Variants in CTNND2 observed in about 807,000 individuals in gnomAD.
CTNND2 encodes the protein catenin delta-2.
CTNND2 carries 22 observed loss-of-function variants against 144.4 expected under a neutral mutation model. The ratio of observed to expected loss-of-function variants is 0.15; its 90% confidence interval spans 0.11 to 0.22. The LOEUF (loss-of-function observed/expected upper bound fraction) is 0.22. CTNND2 is among the 10% of genes least tolerant of loss of function. The probability of loss-of-function intolerance (pLI) is 1.00; values close to 1 mark genes in which losing one functional copy is unlikely to be tolerated. For synonymous variants in CTNND2, 751 were observed against 695.6 expected (o/e 1.08, Z -1.25); for missense variants, 1,353 against 1,618.8 (o/e 0.84, Z 2.82).
chr5:11,744,660 TGAAGA>T (rs1788201627), intron 1 of CTNND2, among the ~76,000 whole-genome samples: 1 of 146,210 alleles, frequency 6.8e-6, no homozygotes, highest in Admixed American at 7.0e-5. Flanking sequence ...GGTAGATCCT[TGAAGA>T]GGAGTGTGTG....
intron 9 of CTNND2, among the ~76,000 whole-genome samples, chr5:11,331,352 C>A (rs1753124685): frequency 6.6e-6 from 1 of 152,112 alleles, no homozygotes; most frequent in African/African-American, 2.4e-5. Context: ...GGGAAATTAA[C>A]CCCTGTAGAA....
chr5:11,522,575 T>A (rs1339417944), intron 3 of CTNND2, among the ~76,000 whole-genome samples: 1 of 152,226 alleles, frequency 6.6e-6, no homozygotes, highest in Non-Finnish European at 1.5e-5. Context: ...CTCACAATGA[T>A]GATTTGCTAT....
chr5:11,748,825 C>T (rs538822633), intron 1 of CTNND2, among the ~76,000 whole-genome samples: 11 of 152,136 alleles, frequency 7.2e-5, no homozygotes, highest in Non-Finnish European at 1.3e-4. Context: ...CCTCTCTTCA[C>T]GAAGTAGAGC....
chr5:11,623,394 A>C (rs986316098), intron 2 of CTNND2, among the ~76,000 whole-genome samples: 6 of 151,888 alleles, frequency 4.0e-5, no homozygotes, highest in Non-Finnish European at 8.8e-5. Flanking sequence ...TTATTTTATA[A>C]AGGGTTTCCC....
rs757143940 is a variant in CTNND2, at chr5:10,988,181, C to T, written c.3273G>A (p.Glu1091=). The stretch of plus-strand genomic sequence containing the variant: ...GGTAGGTGGCGTTGCTGCCGGTGCA[C>T]TCGTAGTCTGTTTTCCTTTCTTTGA... ...ISLKERKTDY[E]CTGSNATYHG... is the part of the protein sequence containing the mutation. The change falls in exon 20 of 22, where the codon GAG becomes GAA. Residue 1091 remains glutamate, a synonymous_variant. Coordinates refer to ENST00000304623, the MANE Select transcript of CTNND2 (RefSeq NM_001332.4). This position sits in a 1 kb window ranked among gnomAD's most constrained non-coding sequence, Gnocchi z 5.9. 3.7e-6 allele frequency: 6 copies of T among 1,614,210 alleles called. No homozygotes were observed. The highest frequency in any genetic ancestry group is 5.1e-6 in the Non-Finnish European group (6 of 1,180,044).
chr5:11,495,627 A>T, intron 3 of CTNND2, among the ~76,000 whole-genome samples: 1 of 152,098 alleles, frequency 6.6e-6, no homozygotes, highest in East Asian at 1.9e-4. Context: ...CTCTTGGCTT[A>T]TTCTGGGCAT....
chr5:11,132,892 T>C (rs1755759900), intron 12 of CTNND2, among the ~76,000 whole-genome samples: 1 of 152,216 alleles, frequency 6.6e-6, no homozygotes, highest in South Asian at 2.1e-4. Context: ...TGCTATCTCA[T>C]AAACTGAGAA....
intron 16 of CTNND2, among the ~76,000 whole-genome samples, chr5:11,063,901 T>A (rs1046089744): frequency 1.2e-4 from 19 of 152,210 alleles, no homozygotes; most frequent in African/African-American, 4.6e-4. Context: ...CTGTTAATGA[T>A]TTGCAATCAT....
chr5:11,604,339 T>C (rs1399690902), intron 2 of CTNND2, among the ~76,000 whole-genome samples: 1 of 152,218 alleles, frequency 6.6e-6, no homozygotes, highest in African/African-American at 2.4e-5. Context: ...ACAGTGTCCA[T>C]GATCTAGACA....
At chr5:11,353,455 T>A (rs180886693) in intron 8 of CTNND2, among the ~76,000 whole-genome samples, 19 of 152,342 alleles carry the variant, frequency 1.2e-4, no homozygotes, top group Non-Finnish European at 2.4e-4. Context: ...TAAAATTTAA[T>A]GTGATATAGA....
chr5:11,251,256 C>T (rs1239157394), intron 9 of CTNND2, among the ~76,000 whole-genome samples: 1 of 152,170 alleles, frequency 6.6e-6, no homozygotes, highest in Admixed American at 6.5e-5. Flanking sequence ...AAAATAAATG[C>T]CTGACAGTTC....
At position 10,988,350 on chromosome 5, in the gene CTNND2, A is replaced by G. The variant is rs1738274589; in HGVS notation, c.3212-108T>C. 2.2e-6 allele frequency: 3 copies of G among 1,351,968 alleles called. No individual in the cohort carries two copies. The highest frequency in any genetic ancestry group is 3.1e-6 in the Non-Finnish European group (3 of 973,896). The allele number at this position is 1,351,968 out of a possible 1,614,324, so 83.7% of individuals were successfully genotyped here. Reference sequence around the variant, plus strand: ...TGCATGGTCCCGCATCTCAATGCCTACGTGAGGACCTGATGGGTTTTCTTT... The same window carrying G: ...TGCATGGTCCCGCATCTCAATGCCTGCGTGAGGACCTGATGGGTTTTCTTT... On this transcript the variant is annotated intron_variant, in intron 19 of 21. Transcript: ENST00000304623. The surrounding 1 kb of genome is among the most constrained non-coding windows in gnomAD (Gnocchi z 5.9).
chr5:11,524,212 C>T (rs144911869), intron 3 of CTNND2, among the ~76,000 whole-genome samples: 447 of 152,304 alleles, frequency 2.9e-3, no homozygotes, highest in Admixed American at 6.1e-3. Context: ...GTCCCCTCCA[C>T]AGGACTCTTC....
chr5:11,479,472 A>G (rs1768048305), intron 3 of CTNND2, among the ~76,000 whole-genome samples: 1 of 152,196 alleles, frequency 6.6e-6, no homozygotes, highest in African/African-American at 2.4e-5. Context: ...ACATGCATGT[A>G]TCTTTATGAT....
intron 1 of CTNND2, among the ~76,000 whole-genome samples, chr5:11,735,853 G>A (rs1047438380): frequency 6.6e-6 from 1 of 152,098 alleles, no homozygotes. Context: ...CTCAGTCTTA[G>A]GTATGTCTTT....
At chr5:11,123,173 T>C (rs1754317490) in intron 12 of CTNND2, among the ~76,000 whole-genome samples, 1 of 152,128 alleles carries the variant, frequency 6.6e-6, no homozygotes, top group South Asian at 2.1e-4. Flanking sequence ...AAGCTTCTCT[T>C]AGAGCACCTG....
At chr5:11,134,133 G>A (rs1455612538) in intron 12 of CTNND2, among the ~76,000 whole-genome samples, 1 of 152,174 alleles carries the variant, frequency 6.6e-6, no homozygotes, top group Non-Finnish European at 1.5e-5. Flanking sequence ...GCTGAGGAGG[G>A]AGCAGGAGAA....
intron 3 of CTNND2, among the ~76,000 whole-genome samples, chr5:11,416,987 C>G (rs1469168091): frequency 6.6e-6 from 1 of 152,038 alleles, no homozygotes; most frequent in Non-Finnish European, 1.5e-5. Context: ...AACACTTAGC[C>G]TTTAAATACA....
chr5:11,260,369 G>A (rs556928072), intron 9 of CTNND2, among the ~76,000 whole-genome samples: 1 of 151,962 alleles, frequency 6.6e-6, no homozygotes, highest in Non-Finnish European at 1.5e-5. Flanking sequence ...TTCTTCCGAA[G>A]AGCTTTATTT....
Sources: allele counts gnomAD v4.1 joint callset (sites outside exome capture counted in the v4.1 genomes callset), GRCh38; gene constraint gnomAD v4.1.1; non-coding constraint Gnocchi (gnomAD v3.1); transcripts MANE v1.5; gene names NCBI Gene and HGNC (gene_info 2026-07-23, HGNC 2026-07-21).